SUCLG2: variants seen among roughly 807,000 people sequenced by gnomAD.
SUCLG2 encodes the protein succinate--CoA ligase [GDP-forming] subunit beta, mitochondrial.
In SUCLG2, 42 loss-of-function variants were observed where a neutral mutation model predicts 47.9. That is an observed-to-expected ratio of 0.88 (90% CI 0.69 to 1.14). SUCLG2 has a LOEUF of 1.14. Ranked by LOEUF, SUCLG2 falls within the 50% of genes most tolerant of loss-of-function variation. SUCLG2 has a pLI of 0.00. For synonymous variants in SUCLG2, 195 were observed against 197.3 expected, an observed-to-expected ratio of 0.99 and a Z score of 0.10; for missense variants, 571 against 525.9, an observed-to-expected ratio of 1.09 and a Z score of -0.84.
In SUCLG2 at chr3:67,632,798, C is replaced by G. The variant is rs541847849; in HGVS notation, c.84+21705G>C. On this transcript the variant is annotated intron_variant, in intron 1 of 10. Coordinates refer to ENST00000307227, the MANE Select transcript of SUCLG2 (RefSeq NM_003848.4). Reference sequence around the variant, plus strand: ...GGTCACAAGGATACAAACCTAACTTCTAGAGTCTATGACCTTAATCACTTT... The same window carrying G: ...GGTCACAAGGATACAAACCTAACTTGTAGAGTCTATGACCTTAATCACTTT... Among the ~76,000 whole-genome samples the G allele has an allele frequency of 7.2e-5, 11 of 152,300 alleles. No individual in the cohort carries two copies. In the East Asian group the frequency reaches 2.1e-3, roughly 29 times the overall value.
chr3:67,537,837 T>G (rs1442367506), intron 2 of SUCLG2, among the ~76,000 whole-genome samples: 1 of 152,246 alleles, frequency 6.6e-6, no homozygotes, highest in African/African-American at 2.4e-5. Context: ...ATAAGCTTTT[T>G]TTCATGTTTG....
intron 6 of SUCLG2, among the ~76,000 whole-genome samples, chr3:67,517,305 A>G (rs971785216): frequency 2.6e-5 from 4 of 152,204 alleles, no homozygotes; most frequent in Admixed American, 2.0e-4. Context: ...ATCAAAAGAA[A>G]AAGACAAGAC....
intron 9 of SUCLG2, among the ~76,000 whole-genome samples, chr3:67,484,056 T>C (rs534579660): frequency 1.1e-4 from 16 of 152,340 alleles, no homozygotes; most frequent in African/African-American, 3.8e-4. Context: ...ATTGCCTCCC[T>C]CTGTGTGTGC....
At chr3:67,478,723 T>C (rs572849286) in intron 9 of SUCLG2, among the ~76,000 whole-genome samples, 177 of 152,166 alleles carry the variant, frequency 1.2e-3, no homozygotes, top group African/African-American at 3.8e-3. Flanking sequence ...ACGAATAAAA[T>C]CTAGTGGGAG....
chr3:67,639,476 G>T (rs1701062628), intron 1 of SUCLG2, among the ~76,000 whole-genome samples: 1 of 137,866 alleles, frequency 7.3e-6, no homozygotes, highest in Non-Finnish European at 1.5e-5. Context: ...CATCCGCATG[G>T]CCTCAGATCG....
chr3:67,517,498 G>A (rs1382823919), intron 6 of SUCLG2, among the ~76,000 whole-genome samples: 1 of 152,138 alleles, frequency 6.6e-6, no homozygotes, highest in African/African-American at 2.4e-5. Flanking sequence ...GAACAAGTAA[G>A]TTTATCTGAT....
chr3:67,375,714 T>G lies in SUCLG2; in HGVS notation c.*30A>C. 1 of 1,591,416 alleles carries G rather than the reference T, an allele frequency of 6.3e-7. No individual in the cohort carries two copies. Among genetic ancestry groups the G allele is most frequent in the Non-Finnish European group, 8.5e-7 (1 of 1,169,722 alleles). On this transcript the variant is annotated 3_prime_UTR_variant, in exon 11 of 11. Coordinates refer to ENST00000307227, the MANE Select transcript of SUCLG2 (RefSeq NM_003848.4). ...CATCCCTTTTTACGGAAAAATGGCT[T>G]TCTTTCTCCATTGGATCAGGACAAA...
intron 9 of SUCLG2, among the ~76,000 whole-genome samples, chr3:67,416,382 A>G (rs1703038850): frequency 6.6e-6 from 1 of 152,236 alleles, no homozygotes; most frequent in Non-Finnish European, 1.5e-5. Flanking sequence ...GAAATATACT[A>G]AACTGCAAGT....
rs1214314544 is a variant in SUCLG2 at position 67,409,049 on chromosome 3, A to G, written c.1063-8198T>C. ...AAATTTTGCTGCTGAATTAAAATCA[A>G]TCAGAGGTAAGATATCTTGTATAGG... is the stretch of plus-strand genomic sequence containing the variant. On this transcript the variant is annotated intron_variant, in intron 9 of 10. Transcript: ENST00000307227. 3.9e-6 allele frequency: 6 copies of G among 1,534,250 alleles called. No homozygotes were observed. The South Asian group carries it at 4.8e-5, about 12-fold the overall frequency.
intron 2 of SUCLG2, among the ~76,000 whole-genome samples, chr3:67,548,057 G>A (rs1242069291): frequency 6.6e-6 from 1 of 152,160 alleles, no homozygotes; most frequent in Non-Finnish European, 1.5e-5. Flanking sequence ...TTTACTCTAT[G>A]AAATCATAAT....
chr3:67,571,763 CTT>C (rs896430339), intron 2 of SUCLG2, among the ~76,000 whole-genome samples: 14 of 152,120 alleles, frequency 9.2e-5, no homozygotes, highest in Non-Finnish European at 1.6e-4. Context: ...TCACAAATCA[CTT>C]TTTCTTTGGT....
intron 9 of SUCLG2, among the ~76,000 whole-genome samples, chr3:67,428,923 C>T (rs914855658): frequency 1.3e-5 from 2 of 152,090 alleles, no homozygotes; most frequent in Non-Finnish European, 2.9e-5. Flanking sequence ...AAGAAATGAA[C>T]AAAACCTCCA....
chr3:67,401,492 A>T (rs1209161348), intron 9 of SUCLG2, among the ~76,000 whole-genome samples: 1 of 151,586 alleles, frequency 6.6e-6, no homozygotes, highest in Non-Finnish European at 1.5e-5. Context: ...TACTGACTGG[A>T]GCTTCTTAGA....
intron 2 of SUCLG2, among the ~76,000 whole-genome samples, chr3:67,547,746 G>A (rs878926656): frequency 6.7e-6 from 1 of 148,280 alleles, no homozygotes; most frequent in Non-Finnish European, 1.5e-5. Flanking sequence ...ACACTGACTT[G>A]GGAATGCTAC....
rs138355945 is a variant in SUCLG2, at chr3:67,653,928, T to C, written c.84+575A>G. 1.1e-3 allele frequency among the ~76,000 whole-genome samples: 163 copies of C among 152,324 alleles called. 2 individuals carry two copies. The highest frequency in any genetic ancestry group is 3.5e-3 in the African/African-American group (147 of 41,570). On this transcript the variant is annotated intron_variant, in intron 1 of 10. Transcript: ENST00000307227. Reference sequence around the variant, plus strand: ...TTTTAGTGACAGCCCTGATTTTTCATTGGAAAGAGGAGAAAGATCGTTTCC... The same window carrying C: ...TTTTAGTGACAGCCCTGATTTTTCACTGGAAAGAGGAGAAAGATCGTTTCC...
chr3:67,499,539 T>C (rs766479465), intron 7 of SUCLG2, among the ~76,000 whole-genome samples: 2 of 152,070 alleles, frequency 1.3e-5, no homozygotes, highest in African/African-American at 2.4e-5. Context: ...CATTCCATAA[T>C]AGGAGACAGA....
chr3:67,422,020 G>C (rs975570301), intron 9 of SUCLG2, among the ~76,000 whole-genome samples: 3 of 152,128 alleles, frequency 2.0e-5, no homozygotes, highest in Non-Finnish European at 4.4e-5. Flanking sequence ...GTCCTTCAAG[G>C]CAGGAAGAAG....
chr3:67,384,076 AC>A (rs1369170181), intron 10 of SUCLG2, among the ~76,000 whole-genome samples: 2 of 152,194 alleles, frequency 1.3e-5, no homozygotes, highest in Admixed American at 1.3e-4. Flanking sequence ...ACTTTGGTCC[AC>A]CATTACTGCC....
chr3:67,471,037 T>C (rs1388449380), intron 9 of SUCLG2, among the ~76,000 whole-genome samples: 2 of 152,192 alleles, frequency 1.3e-5, no homozygotes, highest in Non-Finnish European at 2.9e-5. Flanking sequence ...ACAGGAGCAC[T>C]GCAAAGAGAA....
Sources: gnomAD v4.1 joint callset for allele counts (sites outside exome capture counted in the v4.1 genomes callset) on GRCh38, gnomAD v4.1.1 for gene constraint, MANE v1.5 for transcripts, NCBI Gene and HGNC (gene_info 2026-07-23, HGNC 2026-07-21) for gene names.